The following NIBAN1 variants were observed in gnomAD, a reference collection of about 807,000 sequenced individuals.
NIBAN1 encodes the protein niban apoptosis regulator 1, also known as protein Niban 1.
Under a neutral mutation model 75.1 loss-of-function variants are expected in NIBAN1, and 81 were observed. That is an observed-to-expected ratio of 1.08 (90% CI 0.90 to 1.30). The LOEUF (loss-of-function observed/expected upper bound fraction) is 1.30. Among genes scored for constraint, NIBAN1 ranks in the 50% most tolerant of loss-of-function variants. The pLI is 0.00. For synonymous variants in NIBAN1, 436 were observed against 424.8 expected (o/e 1.03, Z -0.32); for missense variants, 1,133 against 1,128.1 (o/e 1.00, Z -0.06).
intron 9 of NIBAN1, among the ~76,000 whole-genome samples, chr1:184,816,358 A>C (rs1303212057): frequency 6.6e-6 from 1 of 152,244 alleles, no homozygotes; most frequent in Non-Finnish European, 1.5e-5. Context: ...ACATGTGACC[A>C]TGAGGACTCC....
At chr1:184,953,814 TG>T (rs1298769329) in intron 1 of NIBAN1, among the ~76,000 whole-genome samples, 1 of 152,222 alleles carries the variant, frequency 6.6e-6, no homozygotes, top group Non-Finnish European at 1.5e-5. Context: ...AAAGTTGTCA[TG>T]GGTCAGGAGA....
Position 184,808,192 on chromosome 1 carries a change from A to G in NIBAN1, c.1217T>C (p.Met406Thr), listed in dbSNP as rs1571477853. Residue 406 changes from methionine to threonine, a missense_variant, in exon 10 of 14, where the codon ATG (methionine) becomes ACG (threonine). Coordinates refer to ENST00000367511, the MANE Select transcript of NIBAN1 (RefSeq NM_052966.4). ...GTTGACTTTAGTATAACAAGGTTCCATCTTCACGGAATGCAGCGGAAGATT... is the reference window on the plus strand; with the variant it reads ...GTTGACTTTAGTATAACAAGGTTCCGTCTTCACGGAATGCAGCGGAAGATT... ...LMNLPLHSVK[M>T]EPCYTKVNLL... 6.2e-7 allele frequency: 1 copy of G among 1,614,156 alleles called. No individual in the cohort carries two copies. The highest frequency in any genetic ancestry group is 8.5e-7 in the Non-Finnish European group (1 of 1,179,994).
intron 1 of NIBAN1, among the ~76,000 whole-genome samples, chr1:184,944,572 C>T (rs1658177313): frequency 6.6e-6 from 1 of 152,226 alleles, no homozygotes. Context: ...GGTTGGAGTA[C>T]ATGTCATGAG....
At chr1:184,921,768 A>G (rs1238381710) in intron 1 of NIBAN1, among the ~76,000 whole-genome samples, 1 of 152,218 alleles carries the variant, frequency 6.6e-6, no homozygotes, top group East Asian at 1.9e-4. Flanking sequence ...GTAACCTCCA[A>G]ATTAGCATCA....
At chr1:184,937,145 C>CTTTTTTTTTTTTTT (rs138240427) in intron 1 of NIBAN1, among the ~76,000 whole-genome samples, 1 of 92,128 alleles carries the variant, frequency 1.1e-5, no homozygotes, top group African/African-American at 4.3e-5. Context: ...TAGCTGGATT[C>CTTTTTTTTTTTTTT]TTTTTTTTTT....
chr1:184,859,818 G>C (rs184906094), intron 5 of NIBAN1, among the ~76,000 whole-genome samples: 171 of 152,294 alleles, frequency 1.1e-3, no homozygotes, highest in African/African-American at 3.6e-3. Context: ...GGGAAGGGCT[G>C]GGTGGGGGTT....
At chr1:184,913,443 G>C (rs1363441958) in intron 1 of NIBAN1, among the ~76,000 whole-genome samples, 1 of 151,988 alleles carries the variant, frequency 6.6e-6, no homozygotes, top group East Asian at 1.9e-4. Context: ...ATCAGCTCAC[G>C]TACCTGAGCT....
intron 1 of NIBAN1, 21 bp downstream of exon 1, chr1:184,974,281 C>T (rs752804393): frequency 1.4e-5 from 22 of 1,548,426 alleles, no homozygotes; most frequent in African/African-American, 1.1e-4. Flanking sequence ...GCTCCCCAGG[C>T]CCCCGGGCGG....
chr1:184,948,848 A>C (rs929889052), intron 1 of NIBAN1, among the ~76,000 whole-genome samples: 1 of 152,160 alleles, frequency 6.6e-6, no homozygotes, highest in African/African-American at 2.4e-5. Flanking sequence ...AAAGAGAAAG[A>C]AGAGAAAGGA....
intron 4 of NIBAN1, among the ~76,000 whole-genome samples, chr1:184,888,478 TCAACCTTTTA>T (rs1377464082): frequency 6.6e-6 from 1 of 152,240 alleles, no homozygotes; most frequent in African/African-American, 2.4e-5. Context: ...TAGTTATCTC[TCAACCTTTTA>T]CAACAATTTT....
intron 8 of NIBAN1, chr1:184,821,448 T>C (rs1418478637): frequency 6.6e-6 from 1 of 152,222 alleles, no homozygotes; most frequent in Non-Finnish European, 1.5e-5. Context: ...CAGCAAAAAC[T>C]GGAAAGCCTG....
At chr1:184,942,378 T>C (rs1461491869) in intron 1 of NIBAN1, among the ~76,000 whole-genome samples, 2 of 152,340 alleles carry the variant, frequency 1.3e-5, no homozygotes, top group Admixed American at 6.5e-5. Context: ...ATCTCTAGCA[T>C]AGTAGGAAGA....
At chr1:184,802,159 G>C (rs886479234) in intron 12 of NIBAN1, among the ~76,000 whole-genome samples, 1 of 152,178 alleles carries the variant, frequency 6.6e-6, no homozygotes, top group South Asian at 2.1e-4. Flanking sequence ...TGCAAATCCA[G>C]ATTTTTAAAA....
intron 1 of NIBAN1, among the ~76,000 whole-genome samples, chr1:184,970,792 T>A (rs920063360): frequency 6.6e-6 from 1 of 152,194 alleles, no homozygotes; most frequent in African/African-American, 2.4e-5. Flanking sequence ...GTCCAGTACT[T>A]TTCTGACCCT....
chr1:184,861,116 T>C (rs1168496480), intron 5 of NIBAN1, among the ~76,000 whole-genome samples: 1 of 152,228 alleles, frequency 6.6e-6, no homozygotes, highest in African/African-American at 2.4e-5. Context: ...TTGCCACTAG[T>C]CAACTCTGCC....
chr1:184,931,220 G>A (rs567025876), intron 1 of NIBAN1, among the ~76,000 whole-genome samples: 5 of 151,898 alleles, frequency 3.3e-5, no homozygotes, highest in South Asian at 4.2e-4. Context: ...GGCTGGTCTC[G>A]AACTCCTGAC....
rs745733781 is a variant in NIBAN1, at chr1:184,899,277, G to A, written c.88C>T (p.Pro30Ser). The A allele has an allele frequency of 1.2e-6, 2 of 1,613,692 alleles. No homozygotes were observed. Among genetic ancestry groups the A allele is most frequent in the Middle Eastern group, 1.6e-4 (1 of 6,082 alleles). Residue 30 changes from proline (P) to serine (S), a missense_variant, in exon 2 of 14, where the codon CCC becomes TCC. By Grantham distance (74) the Pro-to-Ser change is moderately conservative. Coordinates refer to ENST00000367511, the MANE Select transcript of NIBAN1 (RefSeq NM_052966.4). ...ACAGAGTACTGACGACTGTAGTAGG[G>A]ACTGAAGTTTTTGATGGCAGCCTCA... ...KTEAAIKNFSPYYSRQYSVAF... is the reference protein window; with the variant it reads ...KTEAAIKNFSSYYSRQYSVAF...
At chr1:184,822,510 C>T (rs969079450) in intron 8 of NIBAN1, among the ~76,000 whole-genome samples, 1 of 152,098 alleles carries the variant, frequency 6.6e-6, no homozygotes, top group African/African-American at 2.4e-5. Flanking sequence ...AGGTGGTGGC[C>T]CAATATGGCT....
intron 1 of NIBAN1, among the ~76,000 whole-genome samples, chr1:184,918,054 A>T (rs1431745419): frequency 6.6e-6 from 1 of 151,928 alleles, no homozygotes; most frequent in Non-Finnish European, 1.5e-5. Context: ...CATATTTCCA[A>T]ATGTCTCCTG....
Sources: gnomAD v4.1 joint callset for allele counts (sites outside exome capture counted in the v4.1 genomes callset) on GRCh38, gnomAD v4.1.1 for gene constraint, MANE v1.5 for transcripts, NCBI Gene and HGNC (gene_info 2026-07-23, HGNC 2026-07-21) for gene names.